The following FMN1 variants were observed in gnomAD, a reference collection of about 807,000 sequenced individuals.
FMN1 encodes formin 1.
FMN1 carries 110 observed loss-of-function variants against 132.4 expected under a neutral mutation model. That is an observed-to-expected ratio of 0.83 (90% CI 0.71 to 0.97). The LOEUF is 0.97. Among genes scored for constraint, FMN1 ranks in the 50% least tolerant of loss-of-function variants. FMN1 has a pLI of 0.00. For synonymous variants in FMN1, 722 were observed against 651.7 expected (o/e 1.11, Z -1.64); for missense variants, 1,792 against 1,705.3 (o/e 1.05, Z -0.90).
At chr15:32,922,255 T>C (rs2060846456) in intron 10 of FMN1, among the ~76,000 whole-genome samples, 1 of 152,186 alleles carries the variant, frequency 6.6e-6, no homozygotes, top group African/African-American at 2.4e-5. Flanking sequence ...AAGCAGGCAG[T>C]TTTGTCCAAG....
chr15:32,948,396 T>A (rs905751038), intron 9 of FMN1, among the ~76,000 whole-genome samples: 3 of 152,040 alleles, frequency 2.0e-5, no homozygotes, highest in Non-Finnish European at 1.5e-5. Flanking sequence ...ACTTCTGCCC[T>A]TGTCTGGTTG....
chr15:33,079,584 C>T (rs1438592553), intron 5 of FMN1, among the ~76,000 whole-genome samples: 1 of 152,274 alleles, frequency 6.6e-6, no homozygotes, highest in Non-Finnish European at 1.5e-5. Context: ...GATCATGCCA[C>T]TGCACTCCAG....
In FMN1 at chr15:32,798,881, C is replaced by T. The variant is rs1198856090; in HGVS notation, c.4053G>A (p.Val1351=). 16 of 1,613,360 alleles carry T rather than the reference C, an allele frequency of 9.9e-6. No homozygotes were observed. The change falls in exon 19 of 21, where the codon GTG becomes GTA. Residue 1351 remains valine (V), a synonymous_variant. Transcript: ENST00000616417. ...TGCAGAACTCATACCACACCATAAA[C>T]ACGTAGCTGGGTGTGATCTCCTTCT... ...SGEKEITPSY[V]FMVWYEFCSD... is the part of the protein sequence containing the mutation.
intron 16 of FMN1, among the ~76,000 whole-genome samples, chr15:32,879,865 T>C (rs1422856761): frequency 6.6e-6 from 1 of 151,638 alleles, no homozygotes; most frequent in East Asian, 1.9e-4. Flanking sequence ...TTTTTGTTTT[T>C]ATGTATTTGT....
chr15:32,801,315 T>C (rs1010146394), intron 18 of FMN1, among the ~76,000 whole-genome samples: 1 of 151,864 alleles, frequency 6.6e-6, no homozygotes, highest in African/African-American at 2.4e-5. Flanking sequence ...GGAGAAACAC[T>C]AAAAAAAATA....
intron 16 of FMN1, among the ~76,000 whole-genome samples, chr15:32,858,010 GAT>G (rs2059175651): frequency 6.6e-6 from 1 of 152,196 alleles, no homozygotes; most frequent in South Asian, 2.1e-4. Context: ...CTGGAAATTA[GAT>G]ATGTTCTTGT....
chr15:33,119,581 A>C (rs1198703834), intron 4 of FMN1, among the ~76,000 whole-genome samples: 1 of 152,278 alleles, frequency 6.6e-6, no homozygotes, highest in South Asian at 2.1e-4. Context: ...TCTGTAAAAA[A>C]CCAGCACTAT....
rs370444266 is a variant in FMN1, at chr15:32,888,369, G to GA, written c.3715-78dup. The GA allele has an allele frequency of 8.2e-3, 9,741 of 1,184,924 alleles. 8 individuals carry two copies. Among genetic ancestry groups the GA allele is most frequent in the African/African-American group, 0.018 (1,117 of 63,254 alleles). The allele number at this position is 1,184,924 out of a possible 1,614,324, so 73.4% of individuals were successfully genotyped here. A position where few individuals can be genotyped will look rare whatever the true frequency, so the allele number is the denominator to read the frequency against. Reference sequence around the variant, plus strand: ...AGTTGAAATTCCAAAGCATCAATGAGAAAAAAAAAAGCTTTTTTATTGGAT... The same window carrying GA: ...AGTTGAAATTCCAAAGCATCAATGAGAAAAAAAAAAAGCTTTTTTATTGGAT... On this transcript the variant is annotated intron_variant, in intron 15 of 20. Transcript: ENST00000616417.
chr15:33,044,281 G>C (rs889117822), intron 6 of FMN1, among the ~76,000 whole-genome samples: 2 of 152,214 alleles, frequency 1.3e-5, no homozygotes, highest in African/African-American at 4.8e-5. Flanking sequence ...AGGTTCCTGG[G>C]TGAAAAGGGG....
At chr15:33,092,309 C>T (rs1302193568) in intron 4 of FMN1, among the ~76,000 whole-genome samples, 1 of 152,148 alleles carries the variant, frequency 6.6e-6, no homozygotes, top group East Asian at 1.9e-4. Context: ...GTGTCCACAG[C>T]TCATCTTTCC....
intron 17 of FMN1, among the ~76,000 whole-genome samples, chr15:32,821,108 T>TTTTTTTTTTTTTTTTTTTTTGAG (rs1229243106): frequency 2.0e-5 from 3 of 150,636 alleles, no homozygotes; most frequent in Non-Finnish European, 4.4e-5. Context: ...ACAGATTTTC[T>TTTTTTTTTTTTTTTTTTTTTGAG]AAGATACAAT....
At chr15:32,983,980 C>T (rs1301712283) in intron 7 of FMN1, among the ~76,000 whole-genome samples, 1 of 152,170 alleles carries the variant, frequency 6.6e-6, no homozygotes, top group Non-Finnish European at 1.5e-5. Context: ...TTTAAAAGCT[C>T]AAAGTGTTAG....
intron 16 of FMN1, among the ~76,000 whole-genome samples, chr15:32,878,673 T>G (rs1256357117): frequency 6.6e-6 from 1 of 152,190 alleles, no homozygotes; most frequent in Non-Finnish European, 1.5e-5. Flanking sequence ...CAGGTAGCCT[T>G]ACACTCATTT....
chr15:32,964,545 G>A (rs1287149007), intron 8 of FMN1, among the ~76,000 whole-genome samples: 1 of 152,270 alleles, frequency 6.6e-6, no homozygotes, highest in Non-Finnish European at 1.5e-5. Flanking sequence ...CCTGGGATTC[G>A]GATTCCTGGG....
At chr15:33,001,586 TCCTCCTCCTCCTC>T (rs2034114988) in intron 7 of FMN1, among the ~76,000 whole-genome samples, 1 of 7,970 alleles carries the variant, frequency 1.3e-4, no homozygotes, top group Non-Finnish European at 2.5e-4. Context: ...CCTCCCCCCA[TCCTCCTCCTCCTC>T]CCTCCTCCTC....
intron 16 of FMN1, among the ~76,000 whole-genome samples, chr15:32,874,761 G>A (rs912840705): frequency 6.6e-6 from 1 of 152,190 alleles, no homozygotes. Flanking sequence ...AATTCGCAGT[G>A]AACTCAGTGC....
intron 7 of FMN1, among the ~76,000 whole-genome samples, chr15:32,986,552 A>G (rs2033082829): frequency 1.3e-5 from 2 of 152,284 alleles, no homozygotes; most frequent in South Asian, 4.1e-4. Flanking sequence ...TTTTTAATAG[A>G]AATTTTAATT....
At position 33,128,831 on chromosome 15, in the gene FMN1, GC is replaced by G. The variant is rs997197066; in HGVS notation, c.1867+24216del. The stretch of plus-strand genomic sequence containing the variant: ...TCACGAGCAAAATAACAAAGCCTCC[GC>G]AATGCGGAAGACAACCGGAGCAGAC... On this transcript the variant is annotated intron_variant, in intron 4 of 20. Transcript: ENST00000616417. Among the ~76,000 whole-genome samples the G allele has an allele frequency of 1.1e-4, 16 of 152,274 alleles. 1 individual carries two copies. The highest frequency in any genetic ancestry group is 3.4e-4 in the African/African-American group (14 of 41,570).
At chr15:33,168,051 C>T (rs2140314265) in intron 3 of FMN1, among the ~76,000 whole-genome samples, 1 of 152,282 alleles carries the variant, frequency 6.6e-6, no homozygotes, top group African/African-American at 2.4e-5. Flanking sequence ...CTGTAATTCT[C>T]ATAGTCCTAT....
Sources: gnomAD v4.1 joint callset for allele counts (sites outside exome capture counted in the v4.1 genomes callset) on GRCh38, gnomAD v4.1.1 for gene constraint, MANE v1.5 for transcripts, NCBI Gene and HGNC (gene_info 2026-07-23, HGNC 2026-07-21) for gene names.